HS6ST3: variants seen among roughly 807,000 people sequenced by gnomAD.
The protein encoded by HS6ST3 is heparan sulfate 6-O-sulfotransferase 3, also known as heparan-sulfate 6-O-sulfotransferase 3.
In HS6ST3, 12 loss-of-function variants were observed where a neutral mutation model predicts 36.7. That is an observed-to-expected ratio of 0.33 (90% CI 0.21 to 0.53). The LOEUF is 0.53. Ranked by LOEUF, HS6ST3 falls within the 20% of genes least tolerant of loss-of-function variation. The pLI, the probability that HS6ST3 is intolerant of heterozygous loss-of-function variation, is 0.95. For missense variants in HS6ST3, 584 were observed against 640.9 expected, an observed-to-expected ratio of 0.91 and a Z score of 0.96; for synonymous variants, 240 against 257.5, an observed-to-expected ratio of 0.93 and a Z score of 0.65.
At chr13:96,713,429 C>A (rs989603787) in intron 1 of HS6ST3, among the ~76,000 whole-genome samples, 1 of 152,118 alleles carries the variant, frequency 6.6e-6, no homozygotes, top group African/African-American at 2.4e-5. Context: ...TTAAAACACA[C>A]ATTATTTACC....
At chr13:96,663,501 CA>C (rs770472385) in intron 1 of HS6ST3, among the ~76,000 whole-genome samples, 17 of 152,214 alleles carry the variant, frequency 1.1e-4, no homozygotes, top group Admixed American at 3.3e-4. Context: ...ATGGAAGACA[CA>C]GAGTATAGGT....
intron 1 of HS6ST3, among the ~76,000 whole-genome samples, chr13:96,322,837 G>A (rs148026411): frequency 7.9e-5 from 12 of 152,248 alleles, no homozygotes; most frequent in Non-Finnish European, 1.0e-4. Context: ...AGCTAAATCC[G>A]ATGGTCAGTG....
intron 1 of HS6ST3, among the ~76,000 whole-genome samples, chr13:96,136,027 A>G (rs1391618349): frequency 6.6e-6 from 1 of 152,036 alleles, no homozygotes. Flanking sequence ...GATTGGCCAC[A>G]CTTGGAACTC....
intron 1 of HS6ST3, among the ~76,000 whole-genome samples, chr13:96,724,289 G>A (rs1875943248): frequency 6.6e-6 from 1 of 152,320 alleles, no homozygotes; most frequent in African/African-American, 2.4e-5. Context: ...TACATATGTG[G>A]AGACAAGGAG....
At chr13:96,458,106 A>G (rs1345257649) in intron 1 of HS6ST3, among the ~76,000 whole-genome samples, 5 of 152,132 alleles carry the variant, frequency 3.3e-5, no homozygotes, top group Admixed American at 6.5e-5. Flanking sequence ...TTCTATTGTT[A>G]CCCAGGTAAA....
At chr13:96,706,971 G>A (rs1875443595) in intron 1 of HS6ST3, among the ~76,000 whole-genome samples, 3 of 152,108 alleles carry the variant, frequency 2.0e-5, no homozygotes, top group Non-Finnish European at 2.9e-5. Flanking sequence ...AAATATATAT[G>A]TTTCTTTCCA....
intron 1 of HS6ST3, among the ~76,000 whole-genome samples, chr13:96,481,100 C>A (rs1457536939): frequency 1.3e-5 from 2 of 152,022 alleles, no homozygotes; most frequent in African/African-American, 4.8e-5. Flanking sequence ...TCTTGATATT[C>A]TCTGCATAAT....
chr13:96,586,055 C>T (rs957340241), intron 1 of HS6ST3, among the ~76,000 whole-genome samples: 6 of 152,130 alleles, frequency 3.9e-5, no homozygotes, highest in Admixed American at 3.3e-4. Context: ...TTTTTTCCCA[C>T]ATCCTTGCTA....
Position 96,480,486 on chromosome 13 carries a change from G to T in HS6ST3, c.708-352004G>T, listed in dbSNP as rs539143024. Among the ~76,000 whole-genome samples, 7 of 152,244 alleles carry T rather than the reference G, an allele frequency of 4.6e-5. No homozygotes were observed. The East Asian group carries it at 1.4e-3, about 29-fold the overall frequency. ...TGTGCGTGTGTGCATGTGTGTGTGT[G>T]TAGAGAAGGGAGTAGAGTTTGTGTG... On this transcript the variant is annotated intron_variant, in intron 1 of 1. Coordinates refer to ENST00000376705, the MANE Select transcript of HS6ST3 (RefSeq NM_153456.4).
At chr13:96,188,557 A>T (rs2139344157) in intron 1 of HS6ST3, among the ~76,000 whole-genome samples, 1 of 152,302 alleles carries the variant, frequency 6.6e-6, no homozygotes, top group East Asian at 1.9e-4. Flanking sequence ...AGTAAAACAG[A>T]GATAATATAT....
chr13:96,614,062 G>T (rs2056465015), intron 1 of HS6ST3, among the ~76,000 whole-genome samples: 1 of 151,954 alleles, frequency 6.6e-6, no homozygotes, highest in Non-Finnish European at 1.5e-5. Context: ...ACTTTGGGAG[G>T]CCGAGGCGGG....
At chr13:96,200,903 TTG>T (rs1387426598) in intron 1 of HS6ST3, among the ~76,000 whole-genome samples, 2 of 152,200 alleles carry the variant, frequency 1.3e-5, no homozygotes, top group African/African-American at 4.8e-5. Context: ...CATCCCATTT[TTG>T]TGTGTGCTCT....
chr13:96,319,209 G>GA (rs1230126052), intron 1 of HS6ST3, among the ~76,000 whole-genome samples: 3 of 151,962 alleles, frequency 2.0e-5, no homozygotes, highest in African/African-American at 7.2e-5. Flanking sequence ...AACAGAATTT[G>GA]AAAAAAGTGG....
At chr13:96,757,410 T>G (rs1876858584) in intron 1 of HS6ST3, among the ~76,000 whole-genome samples, 1 of 152,246 alleles carries the variant, frequency 6.6e-6, no homozygotes, top group Admixed American at 6.5e-5. Flanking sequence ...TAGATCACTT[T>G]GGCAGGTTGT....
At chr13:96,588,907 C>T (rs1010370283) in intron 1 of HS6ST3, among the ~76,000 whole-genome samples, 1 of 151,854 alleles carries the variant, frequency 6.6e-6, no homozygotes, top group African/African-American at 2.4e-5. Flanking sequence ...AAAAATTAGC[C>T]ATGCATGGTG....
At chr13:96,820,737 CA>C (rs1878516703) in intron 1 of HS6ST3, among the ~76,000 whole-genome samples, 3 of 152,216 alleles carry the variant, frequency 2.0e-5, no homozygotes, top group African/African-American at 7.2e-5. Flanking sequence ...GTGAAGTTCC[CA>C]ACATTCTTGA....
At chr13:96,265,868 T>C (rs2054689604) in intron 1 of HS6ST3, among the ~76,000 whole-genome samples, 1 of 152,178 alleles carries the variant, frequency 6.6e-6, no homozygotes, top group African/African-American at 2.4e-5. Flanking sequence ...GGAGGTAGAA[T>C]AAAAATATCT....
Position 96,748,622 on chromosome 13 carries a change from C to T in HS6ST3, c.708-83868C>T, listed in dbSNP as rs1876621463. Reference sequence around the variant, plus strand: ...GTATACTTTTCCATAAATGTTTTGCCTGGTCTCACCCACTACAATGTAAAT... The same window carrying T: ...GTATACTTTTCCATAAATGTTTTGCTTGGTCTCACCCACTACAATGTAAAT... On this transcript the variant is annotated intron_variant, in intron 1 of 1. Coordinates refer to ENST00000376705, the MANE Select transcript of HS6ST3 (RefSeq NM_153456.4). Among the ~76,000 whole-genome samples, 3 of 152,048 alleles carry T rather than the reference C, an allele frequency of 2.0e-5. No individual in the cohort carries two copies. The South Asian group carries it at 6.2e-4, about 32-fold the overall frequency.
At chr13:96,213,306 T>A (rs142808302) in intron 1 of HS6ST3, among the ~76,000 whole-genome samples, 14 of 152,240 alleles carry the variant, frequency 9.2e-5, no homozygotes, top group Non-Finnish European at 1.6e-4. Context: ...TCCACACTTA[T>A]GACCCTTTTT....
Sources: allele counts gnomAD v4.1 joint callset (sites outside exome capture counted in the v4.1 genomes callset), GRCh38; gene constraint gnomAD v4.1.1; transcripts MANE v1.5; gene names NCBI Gene and HGNC (gene_info 2026-07-23, HGNC 2026-07-21).